Variants in ABTB1 observed in about 807,000 individuals in gnomAD.
ABTB1 encodes ankyrin repeat and BTB domain containing 1, also known as ankyrin repeat and BTB/POZ domain-containing protein 1.
A neutral mutation model predicts 57.1 loss-of-function variants in ABTB1; 45 were observed. The observed-to-expected ratio is 0.79, with a 90% CI of 0.62 to 1.01. The LOEUF (loss-of-function observed/expected upper bound fraction) is 1.01. Among genes scored for constraint, ABTB1 ranks in the 50% least tolerant of loss-of-function variants. The probability of loss-of-function intolerance (pLI) is 0.00; values close to 1 mark genes in which losing one functional copy is unlikely to be tolerated. For synonymous variants in ABTB1, 302 were observed against 275.4 expected, an observed-to-expected ratio of 1.10 and a Z score of -0.95; for missense variants, 630 against 666.3, an observed-to-expected ratio of 0.95 and a Z score of 0.60.
At chr3:127,679,839 C>G in intron 10 of ABTB1, 146 bp from the exon 11 acceptor site, 1 of 717,162 alleles carries the variant, frequency 1.4e-6, no homozygotes, top group Non-Finnish European at 2.4e-6. Flanking sequence ...CGACCCCCAA[C>G]CCCATACATG....
chr3:127,679,892 C>A (rs1324767937), intron 10 of ABTB1, 93 bp from the exon 11 acceptor site: 2 of 1,316,056 alleles, frequency 1.5e-6, no homozygotes, highest in Non-Finnish European at 2.1e-6. Flanking sequence ...CCCGCCAGTG[C>A]CCCCCAACCA....
chr3:127,673,690 G>A (rs562908315), intron 1 of ABTB1: 2 of 154,208 alleles, frequency 1.3e-5, no homozygotes, highest in African/African-American at 2.4e-5. Flanking sequence ...CCTCCCCCTT[G>A]ACCTGGTGCT....
chr3:127,675,624 T>C (rs72967686), intron 3 of ABTB1: 4,066 of 303,188 alleles, frequency 0.013, 149 homozygotes, highest in African/African-American at 0.066. Flanking sequence ...GTGGGTTGAT[T>C]GTCCTGCCTC....
chr3:127,677,349 A>C, intron 8 of ABTB1, 63 bp downstream of exon 8: 1 of 1,562,044 alleles, frequency 6.4e-7, no homozygotes, highest in Non-Finnish European at 8.8e-7. Context: ...CAGGCAGCCC[A>C]GATACTTGGG....
In ABTB1 at chr3:127,672,959, T is replaced by C. The variant is rs1345923629; in HGVS notation, c.-67T>C. 221 of 1,496,328 alleles carry C rather than the reference T, an allele frequency of 1.5e-4. 1 individual carries two copies. The highest frequency in any genetic ancestry group is 1.9e-4 in the Non-Finnish European group (208 of 1,117,088). The allele number at this position is 1,496,328 out of a possible 1,614,324, so 92.7% of individuals were successfully genotyped here. A position where few individuals can be genotyped will look rare whatever the true frequency, so the allele number is the denominator to read the frequency against. On this transcript the variant is annotated 5_prime_UTR_variant, in exon 1 of 12. Transcript: ENST00000232744. ...GCGGGGCGGGGCGGGGCTGAGCGTG[T>C]TTACATCCGCCGGGTGCGCGGCTTC...
chr3:127,677,992 T>C (rs2075028556), intron 10 of ABTB1, 149 bp downstream of exon 10: 1 of 1,081,016 alleles, frequency 9.3e-7, no homozygotes, highest in African/African-American at 1.6e-5. Context: ...CTGTGGGACT[T>C]TGGATTTTTC....
In ABTB1 at chr3:127,676,692, C is replaced by G. The variant is rs1410208077; in HGVS notation, c.526+111C>G. 4 of 1,421,564 alleles carry G rather than the reference C, an allele frequency of 2.8e-6. No homozygotes were observed. The highest frequency in any genetic ancestry group is 3.9e-6 in the Non-Finnish European group (4 of 1,026,504). 88.1% of individuals were successfully genotyped at this position (1,421,564 alleles called of 1,614,324 possible). On this transcript the variant is annotated intron_variant, in intron 6 of 11. Coordinates refer to ENST00000232744, the MANE Select transcript of ABTB1 (RefSeq NM_172027.3). This position sits in a 1 kb window ranked among gnomAD's most constrained non-coding sequence, Gnocchi z 5.4. ...TTCACCTCTAGACACTTCATGGTCC[C>G]CCCGGGGTGGTTCCAGCTGCCTCTC...
At chr3:127,675,143 G>A (rs1221768755) in intron 3 of ABTB1, among the ~76,000 whole-genome samples, 1 of 152,116 alleles carries the variant, frequency 6.6e-6, no homozygotes, top group Non-Finnish European at 1.5e-5. Flanking sequence ...CTGCCGTTCT[G>A]CAAACGTTCA....
chr3:127,677,035 G>C lies in ABTB1; in HGVS notation c.595G>C (p.Asp199His), dbSNP rs569790669. 1.2e-6 allele frequency: 2 copies of C among 1,614,136 alleles called. No individual in the cohort carries two copies. The highest frequency in any genetic ancestry group is 4.5e-5 in the East Asian group (2 of 44,888). The change falls in exon 7 of 12, where the codon GAC becomes CAC. Residue 199 changes from aspartate (D) to histidine (H), a missense_variant. Asp to His is a moderately conservative substitution (Grantham distance 81). This residue lies in a region of ABTB1 where 579 missense variants were observed against 585.9 expected (regional missense o/e 0.99). Coordinates refer to ENST00000232744, the MANE Select transcript of ABTB1 (RefSeq NM_172027.3). The stretch of plus-strand genomic sequence containing the variant: ...CCTGGCCAAGCAATGCCAGCTGTGG[G>C]ACCTGCTCAGCGACCTGGAGGCCAA... ...ERLAKQCQLWDLLSDLEAKCE... is the reference protein window; with the variant it reads ...ERLAKQCQLWHLLSDLEAKCE...
chr3:127,673,921 C>T (rs1264239179), intron 1 of ABTB1, among the ~76,000 whole-genome samples: 3 of 152,230 alleles, frequency 2.0e-5, no homozygotes, highest in African/African-American at 7.2e-5. Context: ...GCTCACCTTC[C>T]GCATCCCATC....
Position 127,680,909 on chromosome 3 carries a change from G to C in ABTB1, c.*434G>C, listed in dbSNP as rs570038981. 3.7e-5 allele frequency: 19 copies of C among 520,454 alleles called. No homozygotes were observed. The Admixed American group carries it at 4.8e-4, about 13-fold the overall frequency. 32.2% of individuals were successfully genotyped at this position (520,454 alleles called of 1,614,324 possible). On this transcript the variant is annotated 3_prime_UTR_variant, in exon 12 of 12. Transcript: ENST00000232744. ...AGTGTGTGTGGCAATAAAGCTTGAA[G>C]GCACCGTGGGAGCATGAGCCTGTGT...
chr3:127,680,781 C>T lies in ABTB1; in HGVS notation c.*306C>T. ...ACTTTCCTTCTCCAGATCCCCCCTA[C>T]CCACCCCAGTCCCAAATCCAGTCCT... On this transcript the variant is annotated 3_prime_UTR_variant, in exon 12 of 12. Transcript: ENST00000232744. 1.5e-6 allele frequency: 1 copy of T among 663,752 alleles called. No individual in the cohort carries two copies. The highest frequency in any genetic ancestry group is 2.7e-6 in the Non-Finnish European group (1 of 372,436). 41.1% of individuals were successfully genotyped at this position (663,752 alleles called of 1,614,324 possible).
chr3:127,677,332 G>A, intron 8 of ABTB1, 46 bp downstream of exon 8: 1 of 1,563,570 alleles, frequency 6.4e-7, no homozygotes, highest in East Asian at 2.3e-5. Context: ...GGGATGGCAG[G>A]CCGTGACAGG....
In ABTB1 at chr3:127,672,995, G is replaced by A. The variant is rs779727241; in HGVS notation, c.-31G>A. 1.8e-5 allele frequency: 28 copies of A among 1,541,300 alleles called. 2 individuals are homozygous for A. The South Asian group carries it at 3.3e-4, about 18-fold the overall frequency. ...CGGGTGCGCGGCTTCGCCGCCCGAG[G>A]TCGTTCGGCTCGGGTACCATCCTCC... On this transcript the variant is annotated 5_prime_UTR_variant, in exon 1 of 12. Coordinates refer to ENST00000232744, the MANE Select transcript of ABTB1 (RefSeq NM_172027.3).
At chr3:127,674,750 AC>A (rs2074938634) in intron 3 of ABTB1, 150 bp downstream of exon 3, 1 of 951,752 alleles carries the variant, frequency 1.1e-6, no homozygotes, top group Admixed American at 2.1e-5. Flanking sequence ...ATCAGCAAGT[AC>A]TATTATTGCT....
At position 127,677,212 on chromosome 3, in the gene ABTB1, C is replaced by A. The variant is rs1312355329; in HGVS notation, c.688C>A (p.Pro230Thr). ...GTCVKVLTIEPPPADPRLRED... is the reference protein window; with the variant it reads ...GTCVKVLTIETPPADPRLRED... ...GTGTGTGAAGGTGCTGACCATCGAG[C>A]CCCCACCTGCAGACCCCCGCCTCCG... is the stretch of plus-strand genomic sequence containing the variant. Residue 230 changes from proline to threonine, a missense_variant, in exon 8 of 12, where the codon CCC (proline) becomes ACC (threonine). Pro to Thr is a conservative substitution (Grantham distance 38). Transcript: ENST00000232744. The A allele has an allele frequency of 2.5e-6, 4 of 1,610,234 alleles. No individual in the cohort carries two copies. In the South Asian group the frequency reaches 3.3e-5, roughly 13 times the overall value.
intron 10 of ABTB1, chr3:127,679,519 G>C (rs1011211169): frequency 2.2e-6 from 1 of 457,428 alleles, no homozygotes; most frequent in Admixed American, 2.3e-5. Context: ...CCCACCCCTG[G>C]CAGAGTCCCT....
chr3:127,676,763 G>T lies in ABTB1; in HGVS notation c.526+182G>T. ...GGACTAGTGTGCCTGCTCAGGAAGAGCTTGTCCCACCCACATGCTGAGGCC... is the reference window on the plus strand; with the variant it reads ...GGACTAGTGTGCCTGCTCAGGAAGATCTTGTCCCACCCACATGCTGAGGCC... On this transcript the variant is annotated intron_variant, in intron 6 of 11. Transcript: ENST00000232744. The surrounding 1 kb of genome is among the most constrained non-coding windows in gnomAD (Gnocchi z 5.4). The T allele has an allele frequency of 1.1e-6, 1 of 886,472 alleles. No individual in the cohort carries two copies. The highest frequency in any genetic ancestry group is 1.7e-6 in the Non-Finnish European group (1 of 584,108). 54.9% of individuals were successfully genotyped at this position (886,472 alleles called of 1,614,324 possible). A position where few individuals can be genotyped will look rare whatever the true frequency, so the allele number is the denominator to read the frequency against.
rs2075099522 is a variant in ABTB1 at position 127,680,258 on chromosome 3, C to G, written c.1231-11C>G. 6.2e-7 allele frequency: 1 copy of G among 1,613,548 alleles called. No homozygotes were observed. Among genetic ancestry groups the G allele is most frequent in the Non-Finnish European group, 8.5e-7 (1 of 1,179,818 alleles). ...GCACCCCTCCACTGAGCTGGCCCTT[C>G]CCGCTCATAGCTGGTGGAGCGGGAG... On this transcript the variant is annotated splice_polypyrimidine_tract_variant and intron_variant, in intron 11 of 11. Coordinates refer to ENST00000232744, the MANE Select transcript of ABTB1 (RefSeq NM_172027.3).
Sources: allele counts gnomAD v4.1 joint callset (sites outside exome capture counted in the v4.1 genomes callset), GRCh38; gene constraint gnomAD v4.1.1; regional missense constraint gnomAD v4.1.1; non-coding constraint Gnocchi (gnomAD v3.1); transcripts MANE v1.5; gene names NCBI Gene and HGNC (gene_info 2026-07-23, HGNC 2026-07-21).